Variants in SFXN3 observed in about 807,000 individuals in gnomAD.
SFXN3 encodes sideroflexin 3.
In SFXN3, 31 loss-of-function variants were observed where a neutral mutation model predicts 40.4. The ratio of observed to expected loss-of-function variants is 0.77; its 90% CI spans 0.58 to 1.04. The LOEUF is 1.04. Among genes scored for constraint, SFXN3 ranks in the 50% least tolerant of loss-of-function variants. The probability of loss-of-function intolerance (pLI) is 0.00; values close to 1 mark genes in which losing one functional copy is unlikely to be tolerated. For synonymous variants in SFXN3, 157 were observed against 160.0 expected, an observed-to-expected ratio of 0.98 and a Z score of 0.14; for missense variants, 366 against 408.2, an observed-to-expected ratio of 0.90 and a Z score of 0.89.
chr10:101,038,817 T>G, intron 10 of SFXN3, 125 bp downstream of exon 10: 4 of 1,458,758 alleles, frequency 2.7e-6, no homozygotes, highest in Non-Finnish European at 3.8e-6. Flanking sequence ...TGGGTGTGTG[T>G]TTGGAACAAC....
chr10:101,032,806 A>AG (rs1458517546), intron 2 of SFXN3, among the ~76,000 whole-genome samples: 2 of 152,008 alleles, frequency 1.3e-5, no homozygotes, highest in Non-Finnish European at 2.9e-5. Flanking sequence ...GTGTGAGGGG[A>AG]GGGCGTCTCT....
chr10:101,040,904 A>G (rs1938867019), exon 12 of SFXN3: 1 of 152,160 alleles, frequency 6.6e-6, no homozygotes, highest in African/African-American at 2.4e-5. Flanking sequence ...CATTTCTTAG[A>G]CATTCAGCAA....
exon 2 of SFXN3, chr10:101,032,467 G>C: frequency 6.4e-7 from 1 of 1,551,358 alleles, no homozygotes; most frequent in South Asian, 1.2e-5. Context: ...GAGAGCTTCA[G>C]AGAGCGATGG....
chr10:101,032,400 G>C (rs1293623274), exon 2 of SFXN3: 23 of 1,372,146 alleles, frequency 1.7e-5, no homozygotes, highest in Non-Finnish European at 2.0e-5. Context: ...GTGACGTCCC[G>C]CGTGATGGCT....
chr10:101,039,030 G>C lies in SFXN3; in HGVS notation c.822-145G>C. On this transcript the variant is annotated intron_variant, in intron 10 of 11. Coordinates refer to ENST00000393459, the Ensembl canonical transcript of SFXN3. The surrounding 1 kb of genome is among the most constrained non-coding windows in gnomAD (Gnocchi z 4.6). ...TCTTTCCTCAGAACCTGATGTCCAGGTTGGGTTTACTATTCCTAAAAGGTC... is the reference window on the plus strand; with the variant it reads ...TCTTTCCTCAGAACCTGATGTCCAGCTTGGGTTTACTATTCCTAAAAGGTC... 4 of 719,890 alleles carry C rather than the reference G, an allele frequency of 5.6e-6. No homozygotes were observed. Among genetic ancestry groups the C allele is most frequent in the Non-Finnish European group, 9.5e-6 (4 of 422,858 alleles). 44.6% of individuals were successfully genotyped at this position (719,890 alleles called of 1,614,324 possible). A position where few individuals can be genotyped will look rare whatever the true frequency, so the allele number is the denominator to read the frequency against.
rs756704504 is a variant in SFXN3, at chr10:101,035,457, C to T, written c.162-40C>T. Reference sequence around the variant, plus strand: ...GTGGGGCCTGTGAGGGCAGATCTGCCCCCTGGCATAGCCTGTCTGCTCCTT... The same window carrying T: ...GTGGGGCCTGTGAGGGCAGATCTGCTCCCTGGCATAGCCTGTCTGCTCCTT... On this transcript the variant is annotated intron_variant, in intron 3 of 11. Coordinates refer to ENST00000393459, the Ensembl canonical transcript of SFXN3. 3.8e-6 allele frequency: 6 copies of T among 1,565,090 alleles called. No homozygotes were observed. In the Admixed American group the frequency reaches 1.1e-4, roughly 28 times the overall value.
Position 101,036,533 on chromosome 10 carries a change from C to A in SFXN3, c.479C>A (p.Thr160Lys). The stretch of plus-strand genomic sequence containing the variant: ...AGTGCCACCACTGGAGCTGTGGCCA[C>A]GGCCCTGGGACTCAAATCCCTCACC... Residue 160 changes from threonine to lysine, a missense_variant, in exon 6 of 12, where the codon ACG becomes AAG. Physicochemically the swap from Thr to Lys is moderately conservative, Grantham distance 78. Transcript: ENST00000393459. This position sits in a 1 kb window ranked among gnomAD's most constrained non-coding sequence, Gnocchi z 4.2. 6.2e-7 allele frequency: 1 copy of A among 1,614,144 alleles called. No individual in the cohort carries two copies. Among genetic ancestry groups the A allele is most frequent in the Non-Finnish European group, 8.5e-7 (1 of 1,180,002 alleles).
At chr10:101,032,219 C>T (rs928936504) in intron 1 of SFXN3, 95 bp from the exon 2 acceptor site, 2 of 467,498 alleles carry the variant, frequency 4.3e-6, no homozygotes, top group African/African-American at 4.1e-5. Context: ...CAGAACTGAT[C>T]CCCGAGGTGG....
exon 10 of SFXN3, chr10:101,038,674 T>G: frequency 6.2e-7 from 1 of 1,612,428 alleles, no homozygotes. Context: ...CCCCTGCAGG[T>G]GGGACTGGTG....
In SFXN3 at chr10:101,036,074, G is replaced by A. The variant is rs145989256; in HGVS notation, c.404G>A (p.Arg135His). 68 of 1,613,742 alleles carry A rather than the reference G, an allele frequency of 4.2e-5. 1 individual carries two copies. The highest frequency in any genetic ancestry group is 3.7e-4 in the Admixed American group (22 of 59,994). The change falls in exon 5 of 12, where the codon CGC becomes CAC. Residue 135 changes from arginine to histidine, a missense_variant. Physicochemically the swap from Arg to His is conservative, Grantham distance 29. Coordinates refer to ENST00000393459, the Ensembl canonical transcript of SFXN3. This position sits in a 1 kb window ranked among gnomAD's most constrained non-coding sequence, Gnocchi z 4.2. The stretch of plus-strand genomic sequence containing the variant: ...AATGCCATTGTTAACTACTCCAACC[G>A]CAGTGGTGACACTCCCATCACTGTG...
At chr10:101,035,066 G>A (rs1475967585) in intron 3 of SFXN3, among the ~76,000 whole-genome samples, 1 of 152,226 alleles carries the variant, frequency 6.6e-6, no homozygotes. Flanking sequence ...TATGGGAGGG[G>A]CTGCTCTATG....
At chr10:101,038,196 C>T (rs1938711186) in intron 9 of SFXN3, 2 of 875,012 alleles carry the variant, frequency 2.3e-6, no homozygotes, top group South Asian at 3.3e-5. Context: ...GTAGGAGGGG[C>T]TTGCACATTT....
Position 101,034,929 on chromosome 10 carries a change from G to A in SFXN3, c.161+74G>A, listed in dbSNP as rs989672086. The stretch of plus-strand genomic sequence containing the variant: ...GATTAATATAATATGTTTTGTACCT[G>A]CCTCCTCAAGCTTGACAGTGACCCT... On this transcript the variant is annotated intron_variant, in intron 3 of 11. Coordinates refer to ENST00000393459, the Ensembl canonical transcript of SFXN3. 2.0e-6 allele frequency: 3 copies of A among 1,534,716 alleles called. No individual in the cohort carries two copies. In the Admixed American group the frequency reaches 5.6e-5, roughly 28 times the overall value.
At chr10:101,032,623 G>C (rs919551139) in intron 2 of SFXN3, 141 bp downstream of exon 2, 19 of 992,194 alleles carry the variant, frequency 1.9e-5, no homozygotes, top group Middle Eastern at 2.2e-4. Context: ...AGGGAGGTTG[G>C]GGGGAGGAAT....
chr10:101,036,920 T>C lies in SFXN3; in HGVS notation c.593+112T>C. 1 of 1,522,166 alleles carries C rather than the reference T, an allele frequency of 6.6e-7. No homozygotes were observed. The allele number at this position is 1,522,166 out of a possible 1,614,324, so 94.3% of individuals were successfully genotyped here. ...CTCTCCCTCCCCAGACATGAGCTGC[T>C]GGGCCCTGGCTCAGTCTGACCCTGG... On this transcript the variant is annotated intron_variant, in intron 7 of 11. Coordinates refer to ENST00000393459, the Ensembl canonical transcript of SFXN3. The surrounding 1 kb of genome is among the most constrained non-coding windows in gnomAD (Gnocchi z 4.2).
In SFXN3 at chr10:101,036,432, G is replaced by A. The variant is rs1351430787; in HGVS notation, c.432-54G>A. 1 of 1,565,066 alleles carries A rather than the reference G, an allele frequency of 6.4e-7. No homozygotes were observed. The highest frequency in any genetic ancestry group is 8.8e-7 in the Non-Finnish European group (1 of 1,136,104). On this transcript the variant is annotated intron_variant, in intron 5 of 11. Transcript: ENST00000393459. This position sits in a 1 kb window ranked among gnomAD's most constrained non-coding sequence, Gnocchi z 4.2. ...GACTTGGCATATCCCTAAAGGAAAGGGCCACCTGCTGGACTTGTCACCTCT... is the reference window on the plus strand; with the variant it reads ...GACTTGGCATATCCCTAAAGGAAAGAGCCACCTGCTGGACTTGTCACCTCT...
At chr10:101,033,966 C>A (rs1327810215) in intron 2 of SFXN3, among the ~76,000 whole-genome samples, 2 of 152,034 alleles carry the variant, frequency 1.3e-5, no homozygotes, top group Admixed American at 1.3e-4. Flanking sequence ...GGCGGTTTTT[C>A]TCCTATCTCA....
rs199535349 is a variant in SFXN3, at chr10:101,034,842, G to A, written c.148G>A (p.Val50Met). Residue 50 changes from valine (V) to methionine (M), a missense_variant, in exon 3 of 12, where the codon GTG (valine) becomes ATG (methionine). Physicochemically the swap from Val to Met is conservative, Grantham distance 21 (BLOSUM62 1). Coordinates refer to ENST00000393459, the Ensembl canonical transcript of SFXN3. ...ACAGCTGGAAGCTTCTCGGAACATC[G>A]TGCAGAACTACAGGTGACCACCCCT... 1.8e-5 allele frequency: 29 copies of A among 1,614,022 alleles called. No homozygotes were observed. The South Asian group carries it at 2.6e-4, about 15-fold the overall frequency.
rs1372694254 is a variant in SFXN3 at position 101,034,584 on chromosome 10, G to C, written c.-3-108G>C. On this transcript the variant is annotated intron_variant, in intron 2 of 11. Transcript: ENST00000393459. ...CATCTAGTCACCTTGAGCTCTTGAA[G>C]GGACTGATGATAAGCTCAGGGGCCA... 4 of 1,159,436 alleles carry C rather than the reference G, an allele frequency of 3.4e-6. No individual in the cohort carries two copies. The African/African-American group carries it at 4.6e-5, about 13-fold the overall frequency. The allele number at this position is 1,159,436 out of a possible 1,614,324, so 71.8% of individuals were successfully genotyped here.
Sources: allele counts gnomAD v4.1 joint callset (sites outside exome capture counted in the v4.1 genomes callset), GRCh38; gene constraint gnomAD v4.1.1; non-coding constraint Gnocchi (gnomAD v3.1); transcripts MANE v1.5; gene names NCBI Gene and HGNC (gene_info 2026-07-23, HGNC 2026-07-21).